Variants in PTPRG observed in about 807,000 individuals in gnomAD.
PTPRG encodes receptor-type tyrosine-protein phosphatase gamma.
Under a neutral mutation model 165.3 loss-of-function variants are expected in PTPRG, and 102 were observed. The observed-to-expected ratio is 0.62, with a 90% CI of 0.53 to 0.73. PTPRG has a LOEUF of 0.73. Among genes scored for constraint, PTPRG ranks in the 30% least tolerant of loss-of-function variants. PTPRG has a pLI of 0.00. For synonymous variants in PTPRG, 675 were observed against 669.5 expected (o/e 1.01, Z -0.13); for missense variants, 1,866 against 1,861.4 (o/e 1.00, Z -0.05).
intron 2 of PTPRG, among the ~76,000 whole-genome samples, chr3:61,798,879 G>T (rs909663964): frequency 1.3e-5 from 2 of 152,068 alleles, no homozygotes; most frequent in Non-Finnish European, 2.9e-5. Flanking sequence ...TGAGTCTTTG[G>T]CCTCCTGTTG....
At chr3:61,622,455 T>C (rs1701488281) in intron 1 of PTPRG, among the ~76,000 whole-genome samples, 1 of 152,170 alleles carries the variant, frequency 6.6e-6, no homozygotes, top group Non-Finnish European at 1.5e-5. Flanking sequence ...TTTGCTATTA[T>C]TTTTAAGTGA....
chr3:62,091,185 CA>C (rs1240640538), intron 5 of PTPRG, among the ~76,000 whole-genome samples: 1 of 152,192 alleles, frequency 6.6e-6, no homozygotes, highest in Admixed American at 6.5e-5. Flanking sequence ...TTCAGTATGT[CA>C]AATATACACA....
chr3:62,058,099 T>C (rs1700688862), intron 4 of PTPRG, among the ~76,000 whole-genome samples: 1 of 152,208 alleles, frequency 6.6e-6, no homozygotes, highest in African/African-American at 2.4e-5. Context: ...CTAGTATGGA[T>C]GTGCTTCCCC....
intron 1 of PTPRG, among the ~76,000 whole-genome samples, chr3:61,665,006 T>C (rs1702769363): frequency 6.6e-6 from 1 of 152,186 alleles, no homozygotes; most frequent in Non-Finnish European, 1.5e-5. Flanking sequence ...TAAATCTTAC[T>C]GTCTCTATCA....
intron 15 of PTPRG, among the ~76,000 whole-genome samples, chr3:62,244,110 A>G (rs1022647709): frequency 2.6e-5 from 4 of 152,276 alleles, no homozygotes; most frequent in Non-Finnish European, 5.9e-5. Flanking sequence ...AAAACCGTAC[A>G]AAAACATTCT....
intron 28 of PTPRG, among the ~76,000 whole-genome samples, chr3:62,290,951 C>T (rs1277373602): frequency 6.6e-6 from 1 of 151,974 alleles, no homozygotes; most frequent in Non-Finnish European, 1.5e-5. Context: ...AACAAAATGA[C>T]CACAAACAAT....
intron 2 of PTPRG, among the ~76,000 whole-genome samples, chr3:61,846,801 G>T (rs1458275918): frequency 6.6e-6 from 1 of 152,128 alleles, no homozygotes; most frequent in Admixed American, 6.5e-5. Flanking sequence ...TATAGTCCCA[G>T]CTACTTAGGA....
chr3:62,124,200 T>A (rs535270800), intron 5 of PTPRG: 1 of 876,050 alleles, frequency 1.1e-6, no homozygotes, highest in East Asian at 2.4e-5. Context: ...GAAGTCATGA[T>A]TATTCAGCCA....
intron 2 of PTPRG, among the ~76,000 whole-genome samples, chr3:61,857,006 GA>G (rs1246890296): frequency 7.3e-5 from 11 of 151,452 alleles, no homozygotes; most frequent in East Asian, 5.8e-4. Context: ...TATTTTCAAA[GA>G]AAAAAAATGC....
chr3:61,645,971 A>G (rs940241060), intron 1 of PTPRG, among the ~76,000 whole-genome samples: 1 of 152,174 alleles, frequency 6.6e-6, no homozygotes, highest in Non-Finnish European at 1.5e-5. Context: ...TCCAGACTTC[A>G]TAATCTAACT....
chr3:61,929,698 A>G (rs978414475), intron 2 of PTPRG, among the ~76,000 whole-genome samples: 1 of 152,206 alleles, frequency 6.6e-6, no homozygotes, highest in African/African-American at 2.4e-5. Flanking sequence ...TGTCGGCATC[A>G]CACTTCAGAG....
chr3:62,088,306 T>A (rs1171446314), intron 5 of PTPRG, among the ~76,000 whole-genome samples: 3 of 152,236 alleles, frequency 2.0e-5, no homozygotes, highest in African/African-American at 7.2e-5. Context: ...GAAACTCAGC[T>A]TTATGGTCAT....
intron 1 of PTPRG, among the ~76,000 whole-genome samples, chr3:61,734,074 G>T (rs760597770): frequency 1.3e-5 from 2 of 152,164 alleles, no homozygotes; most frequent in Non-Finnish European, 2.9e-5. Flanking sequence ...GAGCCACCAC[G>T]CCCAGCCAAC....
intron 1 of PTPRG, among the ~76,000 whole-genome samples, chr3:61,657,833 T>TA (rs1702549511): frequency 1.3e-5 from 2 of 152,180 alleles, no homozygotes; most frequent in African/African-American, 2.4e-5. Flanking sequence ...CGGAAGCTGG[T>TA]TCTCTTTGTC....
At chr3:62,280,484 A>G (rs1386687764) in intron 26 of PTPRG, among the ~76,000 whole-genome samples, 1 of 152,050 alleles carries the variant, frequency 6.6e-6, no homozygotes, top group East Asian at 1.9e-4. Context: ...AAGATGCTCA[A>G]TCTCATTAAT....
At chr3:61,575,545 A>G (rs564201840) in intron 1 of PTPRG, among the ~76,000 whole-genome samples, 4 of 151,758 alleles carry the variant, frequency 2.6e-5, no homozygotes, top group African/African-American at 9.7e-5. Context: ...GTCCTTGTGA[A>G]TATTAAATGA....
At chr3:62,100,642 T>A (rs1249687879) in intron 5 of PTPRG, among the ~76,000 whole-genome samples, 2 of 152,238 alleles carry the variant, frequency 1.3e-5, no homozygotes, top group East Asian at 3.9e-4. Context: ...AATGTATGAT[T>A]TGAATTCTGG....
intron 1 of PTPRG, among the ~76,000 whole-genome samples, chr3:61,727,888 G>C (rs1385909927): frequency 6.6e-6 from 1 of 152,216 alleles, no homozygotes; most frequent in Non-Finnish European, 1.5e-5. Flanking sequence ...GATAATGCCT[G>C]GGTTTTATCT....
chr3:62,133,044 C>T (rs1405377834), intron 6 of PTPRG, among the ~76,000 whole-genome samples: 6 of 152,194 alleles, frequency 3.9e-5, no homozygotes, highest in Non-Finnish European at 7.3e-5. Context: ...TCTAGGGCAG[C>T]ATTTTAAGTA....
Sources: allele counts gnomAD v4.1 joint callset (sites outside exome capture counted in the v4.1 genomes callset), GRCh38; gene constraint gnomAD v4.1.1; transcripts MANE v1.5; gene names NCBI Gene and HGNC (gene_info 2026-07-23, HGNC 2026-07-21).